The following CSMD1 variants were observed in gnomAD, a reference collection of about 807,000 sequenced individuals.
CSMD1 encodes the protein CUB and Sushi multiple domains 1.
A neutral mutation model predicts 417.5 loss-of-function variants in CSMD1; 213 were observed. The observed-to-expected ratio is 0.51, with a 90% CI of 0.46 to 0.57. The LOEUF (loss-of-function observed/expected upper bound fraction) is 0.57. Among genes scored for constraint, CSMD1 ranks in the 20% least tolerant of loss-of-function variants. The pLI is 0.00. For missense variants in CSMD1, 6,923 were observed against 4,529.7 expected (o/e 1.53, Z -15.17); for synonymous variants, 2,862 against 1,736.8 (o/e 1.65, Z -16.11).
At chr8:2,944,570 G>A (rs915978870) in intron 68 of CSMD1, among the ~76,000 whole-genome samples, 4 of 152,156 alleles carry the variant, frequency 2.6e-5, no homozygotes, top group African/African-American at 9.7e-5. Flanking sequence ...TAACTTTCCT[G>A]AAGCCAGGGA....
chr8:4,849,867 G>A (rs1272061958), intron 1 of CSMD1, among the ~76,000 whole-genome samples: 1 of 152,050 alleles, frequency 6.6e-6, no homozygotes, highest in African/African-American at 2.4e-5. Flanking sequence ...AACTGTATAT[G>A]TTTTCATTGC....
intron 35 of CSMD1, 138 bp from the exon 36 acceptor site, chr8:3,188,103 T>C (rs1159010500): frequency 1.1e-5 from 3 of 273,480 alleles, no homozygotes; most frequent in South Asian, 1.0e-4. Flanking sequence ...TATATATACA[T>C]ATACACCTTA....
At chr8:3,633,397 AGGC>A (rs1342621226) in intron 7 of CSMD1, among the ~76,000 whole-genome samples, 1 of 152,186 alleles carries the variant, frequency 6.6e-6, no homozygotes, top group Non-Finnish European at 1.5e-5. Flanking sequence ...TTTGCAAACT[AGGC>A]AAGACTTCAC....
At chr8:3,264,767 G>C (rs1192931320) in intron 26 of CSMD1, among the ~76,000 whole-genome samples, 1 of 152,116 alleles carries the variant, frequency 6.6e-6, no homozygotes, top group Non-Finnish European at 1.5e-5. Flanking sequence ...TACATAGCTA[G>C]TAAAGATGAG....
intron 9 of CSMD1, among the ~76,000 whole-genome samples, chr8:3,584,561 G>C (rs1584922867): frequency 1.3e-5 from 2 of 152,214 alleles, no homozygotes; most frequent in Non-Finnish European, 1.5e-5. Context: ...TTTGGGATAG[G>C]ATACTGAGAA....
rs545390741 is a variant in CSMD1 at position 3,488,990 on chromosome 8, T to C, written c.1448+4633A>G. 8.5e-5 allele frequency among the ~76,000 whole-genome samples: 13 copies of C among 152,366 alleles called. No homozygotes were observed. In the East Asian group the frequency reaches 2.1e-3, roughly 25 times the overall value. Reference sequence around the variant, plus strand: ...CTTTATTACCAACATCAATTGTTTATGCTTTCCCCCAAGGCACTACATGTT... The same window carrying C: ...CTTTATTACCAACATCAATTGTTTACGCTTTCCCCCAAGGCACTACATGTT... On this transcript the variant is annotated intron_variant, in intron 11 of 69. Coordinates refer to ENST00000635120, the MANE Select transcript of CSMD1 (RefSeq NM_033225.6).
chr8:4,068,774 G>T (rs1273212940), intron 3 of CSMD1, among the ~76,000 whole-genome samples: 1 of 152,138 alleles, frequency 6.6e-6, no homozygotes, highest in Admixed American at 6.5e-5. Context: ...TTTCTGAACA[G>T]ATTAGAATAT....
At chr8:4,673,146 G>A (rs371030537) in intron 1 of CSMD1, among the ~76,000 whole-genome samples, 12 of 151,840 alleles carry the variant, frequency 7.9e-5, no homozygotes, top group Admixed American at 2.0e-4. Context: ...GACATTGAGG[G>A]GAAAAAGGGA....
chr8:4,431,916 G>A (rs1585064464), intron 2 of CSMD1, among the ~76,000 whole-genome samples: 1 of 151,862 alleles, frequency 6.6e-6, no homozygotes, highest in African/African-American at 2.4e-5. Context: ...GTAACAATTG[G>A]GTAAATGGGA....
At chr8:3,256,948 C>T (rs1335589894) in intron 26 of CSMD1, among the ~76,000 whole-genome samples, 2 of 152,164 alleles carry the variant, frequency 1.3e-5, no homozygotes, top group African/African-American at 4.8e-5. Flanking sequence ...TTATCTAAAA[C>T]TCAGTAAATT....
chr8:3,090,752 A>G (rs905400127), intron 48 of CSMD1, among the ~76,000 whole-genome samples: 1 of 152,190 alleles, frequency 6.6e-6, no homozygotes, highest in Non-Finnish European at 1.5e-5. Context: ...GCTGAGTGAG[A>G]TTTTGAGAAA....
intron 8 of CSMD1, among the ~76,000 whole-genome samples, chr8:3,595,286 C>T (rs1225991144): frequency 6.6e-6 from 1 of 152,200 alleles, no homozygotes; most frequent in African/African-American, 2.4e-5. Flanking sequence ...ACTTGCTCAG[C>T]ATTCCAGAAA....
intron 7 of CSMD1, among the ~76,000 whole-genome samples, chr8:3,635,367 G>T (rs890475583): frequency 3.3e-5 from 5 of 152,020 alleles, no homozygotes; most frequent in Non-Finnish European, 7.4e-5. Context: ...CCAGCTACTC[G>T]GGAGGCTGAG....
At chr8:4,932,620 A>G (rs575672995) in intron 1 of CSMD1, among the ~76,000 whole-genome samples, 65 of 152,332 alleles carry the variant, frequency 4.3e-4, no homozygotes, top group Admixed American at 3.7e-3. Flanking sequence ...ACAGGGTAGC[A>G]AGTTGACGTG....
rs566703342 is a variant in CSMD1, at chr8:3,746,360, T to C, written c.931+7570A>G. Among the ~76,000 whole-genome samples the C allele has an allele frequency of 2.0e-5, 3 of 152,346 alleles. No homozygotes were observed. In the East Asian group the frequency reaches 5.8e-4, roughly 29 times the overall value. On this transcript the variant is annotated intron_variant, in intron 6 of 69. Coordinates refer to ENST00000635120, the MANE Select transcript of CSMD1 (RefSeq NM_033225.6). ...CTGCCAAGTATTAATCTGTTTTAAA[T>C]AGCTGAGATTTACTGGATACCATTG...
At chr8:4,088,866 G>A (rs544412914) in intron 3 of CSMD1, among the ~76,000 whole-genome samples, 4 of 152,122 alleles carry the variant, frequency 2.6e-5, no homozygotes, top group East Asian at 1.9e-4. Context: ...CCATGACACC[G>A]CTGTGTTCCA....
In CSMD1 at chr8:2,973,118, C is replaced by G. The variant is rs1804605776; in HGVS notation, c.8922G>C (p.Glu2974Asp). 6.2e-7 allele frequency: 1 copy of G among 1,613,392 alleles called. No individual in the cohort carries two copies. Among genetic ancestry groups the G allele is most frequent in the Non-Finnish European group, 8.5e-7 (1 of 1,179,508 alleles). The change falls in exon 57 of 70, where the codon GAG (glutamate) becomes GAC (aspartate). Residue 2974 changes from glutamate to aspartate, a missense_variant and splice_region_variant. Glu to Asp is a conservative substitution (Grantham distance 45). Transcript: ENST00000635120. ...ACCTTAAGGCTTCTGGCTACTCACCCTCACACACCGGCTGCAGTCCTGACC... is the reference window on the plus strand; with the variant it reads ...ACCTTAAGGCTTCTGGCTACTCACCGTCACACACCGGCTGCAGTCCTGACC... ...GSWSGLQPVC[E>D]AVSCGNPGTP... is the part of the protein sequence containing the mutation.
rs143763913 is a variant in CSMD1 at position 4,618,309 on chromosome 8, G to A, written c.302+19033C>T. Reference sequence around the variant, plus strand: ...CTAAGCTCAGCCATGTCCCTCATAAGCAGGAAATCCAGGAAGCCCAGCTTT... The same window carrying A: ...CTAAGCTCAGCCATGTCCCTCATAAACAGGAAATCCAGGAAGCCCAGCTTT... On this transcript the variant is annotated intron_variant, in intron 2 of 69. Transcript: ENST00000635120. Among the ~76,000 whole-genome samples, 352 of 125,374 alleles carry A rather than the reference G, an allele frequency of 2.8e-3. 1 individual carries two copies. Among genetic ancestry groups the A allele is most frequent in the African/African-American group, 0.011 (332 of 31,596 alleles). The allele number at this position is 125,374 out of a possible 152,430, so 82.3% of individuals were successfully genotyped here.
At chr8:4,935,746 T>C (rs1807572084) in intron 1 of CSMD1, among the ~76,000 whole-genome samples, 1 of 152,130 alleles carries the variant, frequency 6.6e-6, no homozygotes, top group African/African-American at 2.4e-5. Flanking sequence ...GAAAATAAAA[T>C]CTGAGAAGTT....
Sources: allele counts gnomAD v4.1 joint callset (sites outside exome capture counted in the v4.1 genomes callset), GRCh38; gene constraint gnomAD v4.1.1; transcripts MANE v1.5; gene names NCBI Gene and HGNC (gene_info 2026-07-23, HGNC 2026-07-21).